The following PHACTR2 variants were observed in gnomAD, a reference collection of about 807,000 sequenced individuals.
The protein encoded by PHACTR2 is phosphatase and actin regulator 2.
PHACTR2 carries 30 observed loss-of-function variants against 76.0 expected under a neutral mutation model. The observed-to-expected ratio is 0.39, with a 90% CI of 0.30 to 0.54. The LOEUF (loss-of-function observed/expected upper bound fraction) is 0.54. Among genes scored for constraint, PHACTR2 ranks in the 20% least tolerant of loss-of-function variants. PHACTR2 has a pLI of 0.61. For missense variants in PHACTR2, 696 were observed against 781.1 expected (o/e 0.89, Z 1.30); for synonymous variants, 292 against 292.5 (o/e 1.00, Z 0.02).
Position 143,557,823 on chromosome 6 carries a change from A to G in PHACTR2, c.217+20616A>G, listed in dbSNP as rs1000304109. On this transcript the variant is annotated intron_variant, in intron 1 of 11. Transcript: ENST00000367584. This position sits in a 1 kb window ranked among gnomAD's most constrained non-coding sequence, Gnocchi z 5.5. ...TTGACACCTTGTCAGTGGGAAGCGA[A>G]GTCAGGTCATGTTCTTGAAGGTAAA... 6 of 152,224 alleles carry G rather than the reference A, an allele frequency of 3.9e-5. No individual in the cohort carries two copies. Among genetic ancestry groups the G allele is most frequent in the African/African-American group, 1.4e-4 (6 of 41,460 alleles). 9.4% of individuals were successfully genotyped at this position (152,224 alleles called of 1,614,324 possible).
At chr6:143,725,574 A>C (rs1351553647) in intron 2 of PHACTR2, among the ~76,000 whole-genome samples, 1 of 151,078 alleles carries the variant, frequency 6.6e-6, no homozygotes, top group African/African-American at 2.4e-5. Context: ...TCTTCACCAT[A>C]GTTTTGTTGT....
rs1037033832 is a variant in PHACTR2 at position 143,680,752 on chromosome 6, T to C, written c.46+2543T>C. ...AGTGTTGTGTGACCCTCAATCTCTG[T>C]TCCCACCCTATTCAACCAGTGGGCT... On this transcript the variant is annotated intron_variant, in intron 1 of 12. Coordinates refer to ENST00000440869, the MANE Select transcript of PHACTR2 (RefSeq NM_001100164.2). The surrounding 1 kb of genome is among the most constrained non-coding windows in gnomAD (Gnocchi z 4.5). Among the ~76,000 whole-genome samples, 16 of 152,288 alleles carry C rather than the reference T, an allele frequency of 1.1e-4. No individual in the cohort carries two copies. Among genetic ancestry groups the C allele is most frequent in the Non-Finnish European group, 2.2e-4 (15 of 68,008 alleles).
At chr6:143,660,768 G>A (rs538004113) in intron 1 of PHACTR2, among the ~76,000 whole-genome samples, 3 of 152,236 alleles carry the variant, frequency 2.0e-5, no homozygotes, top group African/African-American at 7.2e-5. Context: ...AGGGCCGAGA[G>A]AACTTGATAT....
At position 143,659,023 on chromosome 6, in the gene PHACTR2, CAA is replaced by C. The variant is rs34900068; in HGVS notation, c.13+50715_13+50716del. 1.5e-3 allele frequency among the ~76,000 whole-genome samples: 207 copies of C among 133,716 alleles called. No homozygotes were observed. The highest frequency in any genetic ancestry group is 2.4e-3 in the Non-Finnish European group (148 of 62,042). The allele number at this position is 133,716 out of a possible 152,430, so 87.7% of individuals were successfully genotyped here. ...TGGGCAACAAAGCAAGATTCTGTCT[CAA>C]AAAAAAAAAAAAAGATAAAAAATGG... On this transcript the variant is annotated intron_variant, in intron 1 of 11. Coordinates refer to the PHACTR2 transcript ENST00000305766. This position sits in a 1 kb window ranked among gnomAD's most constrained non-coding sequence, Gnocchi z 5.0.
At position 143,710,857 on chromosome 6, in the gene PHACTR2, A is replaced by G. The variant is rs1447864266; in HGVS notation, c.47-1159A>G. On this transcript the variant is annotated intron_variant, in intron 1 of 12. Transcript: ENST00000440869. The surrounding 1 kb of genome is among the most constrained non-coding windows in gnomAD (Gnocchi z 4.9). The stretch of plus-strand genomic sequence containing the variant: ...GGTATCACGCCTCATATGCGTATCT[A>G]CCAGCTGGATTCAACACTTAACATT... 6.6e-6 allele frequency among the ~76,000 whole-genome samples: 1 copy of G among 152,240 alleles called. No homozygotes were observed. Among genetic ancestry groups the G allele is most frequent in the Non-Finnish European group, 1.5e-5 (1 of 68,050 alleles).
Position 143,748,181 on chromosome 6 carries a change from T to G in PHACTR2, c.215-804T>G, listed in dbSNP as rs573754925. ...CCTGGGTTCAGGCGATTTTCCTGCCTCAGCCTCCCAAATAGCTGGGGTTAC... is the reference window on the plus strand; with the variant it reads ...CCTGGGTTCAGGCGATTTTCCTGCCGCAGCCTCCCAAATAGCTGGGGTTAC... On this transcript the variant is annotated intron_variant, in intron 2 of 12. Coordinates refer to ENST00000440869, the MANE Select transcript of PHACTR2 (RefSeq NM_001100164.2). Among the ~76,000 whole-genome samples the G allele has an allele frequency of 7.9e-5, 12 of 152,326 alleles. No individual in the cohort carries two copies. The South Asian group carries it at 2.5e-3, about 32-fold the overall frequency.
Position 143,818,551 on chromosome 6 carries a change from A to G in PHACTR2, c.1923-5123A>G, listed in dbSNP as rs1166601500. The stretch of plus-strand genomic sequence containing the variant: ...TATTAGTCCATTCTCATGCTGTTAT[A>G]AGGACATACCCGAGACTGGGTAATT... On this transcript the variant is annotated intron_variant, in intron 12 of 12. Transcript: ENST00000440869. The surrounding 1 kb of genome is among the most constrained non-coding windows in gnomAD (Gnocchi z 4.9). 6.6e-6 allele frequency among the ~76,000 whole-genome samples: 1 copy of G among 152,212 alleles called. No homozygotes were observed. Among genetic ancestry groups the G allele is most frequent in the African/African-American group, 2.4e-5 (1 of 41,458 alleles).
upstream of PHACTR2, chr6:143,608,160 T>C (rs1775908447): frequency 1.4e-6 from 1 of 736,664 alleles, no homozygotes; most frequent in African/African-American, 1.7e-5. This position sits in a 1 kb window ranked among gnomAD's most constrained non-coding sequence, Gnocchi z 4.6. Flanking sequence ...ATAAATTTCC[T>C]GGCGGTGTCT....
rs1173568428 is a variant in PHACTR2 at position 143,623,241 on chromosome 6, A to G, written c.13+14919A>G. ...ATTACCTTCCCTAGAAAAAGAAATT[A>G]TTTTCAAACTCCTAAAATGTATTAG... is the stretch of plus-strand genomic sequence containing the variant. On this transcript the variant is annotated intron_variant, in intron 1 of 11. Coordinates refer to the PHACTR2 transcript ENST00000305766. The surrounding 1 kb of genome is among the most constrained non-coding windows in gnomAD (Gnocchi z 5.9). 6.6e-6 allele frequency among the ~76,000 whole-genome samples: 1 copy of G among 152,178 alleles called. No individual in the cohort carries two copies. Among genetic ancestry groups the G allele is most frequent in the Non-Finnish European group, 1.5e-5 (1 of 68,018 alleles).
chr6:143,791,139 T>G lies in PHACTR2; in HGVS notation c.1845+2229T>G, dbSNP rs1775679112. Reference sequence around the variant, plus strand: ...ATAATTTTGCTTTTCACATTTAACTTTTTTGTTTACCTGGAGTTGTTTTTT... The same window carrying G: ...ATAATTTTGCTTTTCACATTTAACTGTTTTGTTTACCTGGAGTTGTTTTTT... On this transcript the variant is annotated intron_variant, in intron 11 of 12. Transcript: ENST00000440869. This position sits in a 1 kb window ranked among gnomAD's most constrained non-coding sequence, Gnocchi z 4.7. Among the ~76,000 whole-genome samples the G allele has an allele frequency of 6.6e-6, 1 of 152,244 alleles. No individual in the cohort carries two copies. The highest frequency in any genetic ancestry group is 6.5e-5 in the Admixed American group (1 of 15,286).
chr6:143,539,952 C>T lies in PHACTR2; in HGVS notation c.217+2745C>T, dbSNP rs138270047. Among the ~76,000 whole-genome samples the T allele has an allele frequency of 1.2e-3, 190 of 152,282 alleles. No individual in the cohort carries two copies. Among genetic ancestry groups the T allele is most frequent in the African/African-American group, 4.4e-3 (183 of 41,544 alleles). On this transcript the variant is annotated intron_variant, in intron 1 of 11. Transcript: ENST00000367584. The surrounding 1 kb of genome is among the most constrained non-coding windows in gnomAD (Gnocchi z 4.3). ...TTCATTGGCATCAGGTGCATCCTGG[C>T]CATTAGATGACGCTAATGAGTAGCG...
rs565516061 is a variant in PHACTR2, at chr6:143,556,782, G to A, written c.217+19575G>A. 2.0e-5 allele frequency among the ~76,000 whole-genome samples: 3 copies of A among 152,290 alleles called. No individual in the cohort carries two copies. In the South Asian group the frequency reaches 6.2e-4, roughly 32 times the overall value. On this transcript the variant is annotated intron_variant, in intron 1 of 11. Transcript: ENST00000367584. This position sits in a 1 kb window ranked among gnomAD's most constrained non-coding sequence, Gnocchi z 4.3. ...ATGGAATTTTCAGACTCAACGCACTGGCCACACCATGGGGTCCAATTGCTG... is the reference window on the plus strand; with the variant it reads ...ATGGAATTTTCAGACTCAACGCACTAGCCACACCATGGGGTCCAATTGCTG...
chr6:143,550,766 C>T lies in PHACTR2; in HGVS notation c.217+13559C>T, dbSNP rs144890278. Among the ~76,000 whole-genome samples the T allele has an allele frequency of 1.0e-3, 159 of 151,878 alleles. 1 individual carries two copies. The highest frequency in any genetic ancestry group is 3.4e-3 in the Middle Eastern group (1 of 294). Reference sequence around the variant, plus strand: ...AACAAACAAAGATTAGGGGCGAGTGCGGTGGCTCACGCCTGTAATCCTAGC... The same window carrying T: ...AACAAACAAAGATTAGGGGCGAGTGTGGTGGCTCACGCCTGTAATCCTAGC... On this transcript the variant is annotated intron_variant, in intron 1 of 11. Coordinates refer to the PHACTR2 transcript ENST00000367584. The surrounding 1 kb of genome is among the most constrained non-coding windows in gnomAD (Gnocchi z 4.8).
At chr6:143,655,170 A>AG (rs1776828102) in intron 1 of PHACTR2, among the ~76,000 whole-genome samples, 2 of 151,702 alleles carry the variant, frequency 1.3e-5, no homozygotes, top group South Asian at 2.1e-4. Context: ...AAAAAAAAAA[A>AG]AAAAGAAAAA....
chr6:143,703,009 C>T (rs1582789014), intron 1 of PHACTR2, among the ~76,000 whole-genome samples: 1 of 151,094 alleles, frequency 6.6e-6, no homozygotes, highest in African/African-American at 2.4e-5. Context: ...AGTTAAAGTT[C>T]AAGAAGTGAT....
chr6:143,732,528 G>A (rs1395575302), intron 2 of PHACTR2, among the ~76,000 whole-genome samples: 1 of 152,134 alleles, frequency 6.6e-6, no homozygotes, highest in Non-Finnish European at 1.5e-5. Flanking sequence ...ATCAGTTGCT[G>A]GACGTTGGGT....
rs909673832 is a variant in PHACTR2, at chr6:143,581,162, C to T, written c.217+43955C>T. 1.3e-4 allele frequency among the ~76,000 whole-genome samples: 20 copies of T among 152,166 alleles called. No individual in the cohort carries two copies. Among genetic ancestry groups the T allele is most frequent in the African/African-American group, 4.3e-4 (18 of 41,420 alleles). On this transcript the variant is annotated intron_variant, in intron 1 of 11. Transcript: ENST00000367584. This position sits in a 1 kb window ranked among gnomAD's most constrained non-coding sequence, Gnocchi z 4.5. ...GCAAGGCCAACCTCAGGGCTTGGCT[C>T]AATATTCTAGAACTTTACCCTTGTT...
intron 1 of PHACTR2, among the ~76,000 whole-genome samples, chr6:143,615,278 G>A (rs577003272): frequency 6.6e-6 from 1 of 152,094 alleles, no homozygotes; most frequent in African/African-American, 2.4e-5. Flanking sequence ...TTGTTTTACT[G>A]CTTTAAGAGT....
intron 1 of PHACTR2, among the ~76,000 whole-genome samples, chr6:143,593,616 A>G (rs1328636932): frequency 6.6e-6 from 1 of 152,234 alleles, no homozygotes; most frequent in Non-Finnish European, 1.5e-5. Flanking sequence ...TTTTATCTAT[A>G]GAAGTCCTAT....
Sources: allele counts gnomAD v4.1 joint callset (sites outside exome capture counted in the v4.1 genomes callset), GRCh38; gene constraint gnomAD v4.1.1; non-coding constraint Gnocchi (gnomAD v3.1); transcripts MANE v1.5; gene names NCBI Gene and HGNC (gene_info 2026-07-23, HGNC 2026-07-21).